The following MAPK4 variants were observed in gnomAD, a reference collection of about 807,000 sequenced individuals.
MAPK4 encodes the protein Erk3-related.
Under a neutral mutation model 47.7 loss-of-function variants are expected in MAPK4, and 22 were observed. That is an observed-to-expected ratio of 0.46 (90% CI 0.33 to 0.66). MAPK4 has a LOEUF of 0.66. MAPK4 is among the 30% of genes least tolerant of loss of function. The probability of loss-of-function intolerance (pLI) is 0.02; values close to 1 mark genes in which losing one functional copy is unlikely to be tolerated. For missense variants in MAPK4, 736 were observed against 831.7 expected, an observed-to-expected ratio of 0.88 and a Z score of 1.42; for synonymous variants, 390 against 365.7, an observed-to-expected ratio of 1.07 and a Z score of -0.76.
At chr18:50,573,585 C>T (rs758463381) in intron 1 of MAPK4, among the ~76,000 whole-genome samples, 1 of 152,232 alleles carries the variant, frequency 6.6e-6, no homozygotes, top group Non-Finnish European at 1.5e-5. Flanking sequence ...GGAAAACAAG[C>T]TCAGGGCTCT....
chr18:50,624,236 G>A (rs577579486), intron 1 of MAPK4, among the ~76,000 whole-genome samples: 63 of 152,362 alleles, frequency 4.1e-4, no homozygotes, highest in African/African-American at 1.5e-3. Flanking sequence ...GCAAAAGTAT[G>A]AATGGATATA....
chr18:50,649,300 T>C (rs958586344), intron 1 of MAPK4, among the ~76,000 whole-genome samples: 2 of 152,184 alleles, frequency 1.3e-5, no homozygotes, highest in Admixed American at 6.5e-5. Context: ...TTGAAACTGA[T>C]TCAGAACGAA....
At chr18:50,620,074 G>T (rs1218226342) in intron 1 of MAPK4, among the ~76,000 whole-genome samples, 1 of 152,234 alleles carries the variant, frequency 6.6e-6, no homozygotes, top group African/African-American at 2.4e-5. Context: ...ATCACTTGCT[G>T]AATATTTATT....
intron 1 of MAPK4, among the ~76,000 whole-genome samples, chr18:50,650,961 G>A (rs1019209351): frequency 6.6e-6 from 1 of 152,234 alleles, no homozygotes; most frequent in Non-Finnish European, 1.5e-5. Context: ...CCAGGCCCAA[G>A]AAATGCCAAA....
intron 5 of MAPK4, among the ~76,000 whole-genome samples, chr18:50,727,458 T>C (rs1171208133): frequency 6.6e-6 from 1 of 152,220 alleles, no homozygotes; most frequent in African/African-American, 2.4e-5. Context: ...TGCTGGCTTG[T>C]TGTTGTCAAT....
intron 1 of MAPK4, among the ~76,000 whole-genome samples, chr18:50,600,645 A>G (rs2042527381): frequency 6.6e-6 from 1 of 152,154 alleles, no homozygotes; most frequent in Non-Finnish European, 1.5e-5. Flanking sequence ...GAGGCTTCCC[A>G]TTTGTGAAAC....
chr18:50,655,397 T>C (rs1336052925), intron 1 of MAPK4, among the ~76,000 whole-genome samples: 1 of 151,990 alleles, frequency 6.6e-6, no homozygotes, highest in South Asian at 2.1e-4. Context: ...GTGCTGGGCA[T>C]GAGAGAGGAA....
At chr18:50,616,796 C>T (rs1000196733) in intron 1 of MAPK4, among the ~76,000 whole-genome samples, 2 of 152,332 alleles carry the variant, frequency 1.3e-5, no homozygotes, top group South Asian at 2.1e-4. Flanking sequence ...TCTTTTCATT[C>T]CTGCTTTTAT....
At chr18:50,561,147 G>A (rs186166024) in intron 1 of MAPK4, among the ~76,000 whole-genome samples, 1 of 152,326 alleles carries the variant, frequency 6.6e-6, no homozygotes, top group East Asian at 1.9e-4. Context: ...GGTCAGCAGC[G>A]TCCCGACAGA....
At chr18:50,643,911 A>G (rs910521020) in intron 1 of MAPK4, among the ~76,000 whole-genome samples, 1 of 151,966 alleles carries the variant, frequency 6.6e-6, no homozygotes, top group Non-Finnish European at 1.5e-5. Context: ...ATGTCTTAAC[A>G]TCCCTTGTCC....
At chr18:50,627,332 A>G (rs2042787857) in intron 1 of MAPK4, among the ~76,000 whole-genome samples, 1 of 152,212 alleles carries the variant, frequency 6.6e-6, no homozygotes, top group African/African-American at 2.4e-5. Context: ...TCTGAAAGCA[A>G]GAAGCTGACA....
intron 2 of MAPK4, among the ~76,000 whole-genome samples, chr18:50,676,058 C>T (rs1908252868): frequency 6.6e-6 from 1 of 152,220 alleles, no homozygotes; most frequent in Non-Finnish European, 1.5e-5. Flanking sequence ...GCACTGTTGG[C>T]TCATTGAGCC....
At chr18:50,695,885 A>G (rs1356875329) in intron 2 of MAPK4, among the ~76,000 whole-genome samples, 2 of 152,190 alleles carry the variant, frequency 1.3e-5, no homozygotes, top group Non-Finnish European at 2.9e-5. Context: ...CAGCAACCCT[A>G]TGAAGTAGAT....
intron 1 of MAPK4, among the ~76,000 whole-genome samples, chr18:50,624,243 T>G (rs2042756896): frequency 6.6e-6 from 1 of 152,236 alleles, no homozygotes; most frequent in South Asian, 2.1e-4. Context: ...TATGAATGGA[T>G]ATATGAGTAT....
intron 1 of MAPK4, among the ~76,000 whole-genome samples, chr18:50,625,176 CA>C (rs201809900): frequency 0.043 from 6,497 of 152,104 alleles, 190 homozygotes; most frequent in Non-Finnish European, 0.063. Flanking sequence ...TCTCAGGGCA[CA>C]GGGGGAGGCA....
At chr18:50,565,161 A>T (rs1391141572) in intron 1 of MAPK4, among the ~76,000 whole-genome samples, 1 of 152,242 alleles carries the variant, frequency 6.6e-6, no homozygotes, top group Non-Finnish European at 1.5e-5. Context: ...ATTGACTTAA[A>T]TTGAGAGCAC....
chr18:50,667,265 G>A (rs762950732), intron 2 of MAPK4, among the ~76,000 whole-genome samples: 1 of 152,108 alleles, frequency 6.6e-6, no homozygotes, highest in Non-Finnish European at 1.5e-5. Flanking sequence ...CCTTCTTTAT[G>A]GTTCCCCTCC....
chr18:50,691,668 T>C (rs1909223650), intron 2 of MAPK4, among the ~76,000 whole-genome samples: 1 of 152,184 alleles, frequency 6.6e-6, no homozygotes, highest in African/African-American at 2.4e-5. Context: ...AGTCAGGGCA[T>C]ATGGAAAAGA....
chr18:50,559,910 G>T (rs1216524938), upstream of MAPK4, among the ~76,000 whole-genome samples: 1 of 151,276 alleles, frequency 6.6e-6, no homozygotes, highest in Admixed American at 6.6e-5. Flanking sequence ...CGGCCTGGAG[G>T]CTGCGGGAGG....
Sources: gnomAD v4.1 joint callset for allele counts (sites outside exome capture counted in the v4.1 genomes callset) on GRCh38, gnomAD v4.1.1 for gene constraint, MANE v1.5 for transcripts, NCBI Gene and HGNC (gene_info 2026-07-23, HGNC 2026-07-21) for gene names.